SH3BGRL: variants seen among roughly 807,000 people sequenced by gnomAD.
The protein encoded by SH3BGRL is adapter SH3BGRL.
In SH3BGRL, 7 loss-of-function variants were observed where a neutral mutation model predicts 9.8. That is an observed-to-expected ratio of 0.72 (90% confidence interval 0.41 to 1.35). SH3BGRL has a LOEUF of 1.35. Among genes scored for constraint, SH3BGRL ranks in the 40% most tolerant of loss-of-function variants. SH3BGRL has a pLI of 0.01. For missense variants in SH3BGRL, 73 were observed against 84.4 expected, an observed-to-expected ratio of 0.86 and a Z score of 0.53; for synonymous variants, 36 against 29.1, an observed-to-expected ratio of 1.24 and a Z score of -0.76.
intron 1 of SH3BGRL, among the ~76,000 whole-genome samples, chrX:81,254,389 A>G (rs377466070): frequency 3.0e-4 from 33 of 111,557 alleles, no homozygotes; most frequent in African/African-American, 8.8e-4. Context: ...GCTTTCTGGT[A>G]TGTTCATCTG....
intron 3 of SH3BGRL, among the ~76,000 whole-genome samples, chrX:81,278,862 C>T (rs2075806838): frequency 8.9e-6 from 1 of 112,064 alleles, no homozygotes; most frequent in Non-Finnish European, 1.9e-5. Flanking sequence ...AAACTGGTCA[C>T]TAAATTGCTC....
intron 1 of SH3BGRL, among the ~76,000 whole-genome samples, chrX:81,270,608 A>C (rs2075775001): frequency 8.9e-6 from 1 of 111,792 alleles, no homozygotes; most frequent in South Asian, 3.7e-4. Flanking sequence ...GCTTCGTCCC[A>C]CAGGGGCACC....
chrX:81,258,028 T>C (rs2075730630), intron 1 of SH3BGRL, among the ~76,000 whole-genome samples: 1 of 111,665 alleles, frequency 9.0e-6, no homozygotes, highest in Non-Finnish European at 1.9e-5. Flanking sequence ...ATGCCTGCTG[T>C]CTCAAAGCCA....
intron 1 of SH3BGRL, among the ~76,000 whole-genome samples, chrX:81,230,375 A>G: frequency 8.9e-6 from 1 of 112,137 alleles, no homozygotes; most frequent in East Asian, 2.8e-4. Flanking sequence ...GATAAGTGCC[A>G]GGAAGTAAGA....
chrX:81,292,466 C>T (rs2075861265), intron 3 of SH3BGRL, among the ~76,000 whole-genome samples: 1 of 111,660 alleles, frequency 9.0e-6, no homozygotes, highest in African/African-American at 3.3e-5. Context: ...CCCACAAAAC[C>T]ATTTTACTAT....
intron 1 of SH3BGRL, among the ~76,000 whole-genome samples, chrX:81,214,916 A>G (rs973000046): frequency 9.0e-6 from 1 of 111,329 alleles, no homozygotes; most frequent in Admixed American, 9.6e-5. Context: ...AGTCATAAGA[A>G]AGTATAACTG....
At chrX:81,276,501 G>T (rs1164189955) in intron 1 of SH3BGRL, among the ~76,000 whole-genome samples, 1 of 110,978 alleles carries the variant, frequency 9.0e-6, no homozygotes, top group Non-Finnish European at 1.9e-5. Flanking sequence ...ACTGAAAATT[G>T]AGACTTGAAT....
chrX:81,217,420 C>A (rs1481837121), intron 1 of SH3BGRL, among the ~76,000 whole-genome samples: 1 of 110,553 alleles, frequency 9.0e-6, no homozygotes, highest in South Asian at 3.8e-4. Context: ...TTCCTTTTAG[C>A]ACTGCTTTTG....
intron 1 of SH3BGRL, among the ~76,000 whole-genome samples, chrX:81,210,449 A>T (rs745411112): frequency 2.2e-4 from 25 of 111,883 alleles, no homozygotes; most frequent in Admixed American, 2.2e-3. Flanking sequence ...TTAATTTCTC[A>T]TGCAAATTGT....
chrX:81,268,905 A>G (rs2075766944), intron 1 of SH3BGRL, among the ~76,000 whole-genome samples: 1 of 111,764 alleles, frequency 8.9e-6, no homozygotes, highest in Admixed American at 9.5e-5. Context: ...CTGCTCCTGT[A>G]CTGAGTGAAT....
chrX:81,238,816 G>GAGAC (rs1556110698), intron 1 of SH3BGRL, among the ~76,000 whole-genome samples: 5 of 110,021 alleles, frequency 4.5e-5, no homozygotes, highest in African/African-American at 1.7e-4. Context: ...GAGAGAGAGA[G>GAGAC]AGAGAGAGAG....
chrX:81,235,944 C>T (rs2075646601), intron 1 of SH3BGRL, among the ~76,000 whole-genome samples: 1 of 111,767 alleles, frequency 8.9e-6, no homozygotes, highest in Non-Finnish European at 1.9e-5. Context: ...TTCCTGACCT[C>T]TCATCCACAA....
Position 81,287,814 on chromosome X carries a change from A to G in SH3BGRL, c.313-9381A>G, listed in dbSNP as rs955651736. Among the ~76,000 whole-genome samples the G allele has an allele frequency of 6.3e-5, 7 of 111,194 alleles. No homozygotes were observed. In the South Asian group the frequency reaches 1.5e-3, roughly 24 times the overall value. On this transcript the variant is annotated intron_variant, in intron 3 of 3. Coordinates refer to ENST00000373212, the MANE Select transcript of SH3BGRL (RefSeq NM_003022.3). ...CTTAAAGTATAATAATAAAAAAGAA[A>G]TGGCAATACCAATTTTACTCAAACT... is the stretch of plus-strand genomic sequence containing the variant.
chrX:81,267,310 T>C (rs1208520945), intron 1 of SH3BGRL, among the ~76,000 whole-genome samples: 3 of 111,982 alleles, frequency 2.7e-5, no homozygotes, highest in Non-Finnish European at 1.9e-5. Context: ...TGCTTCCAGT[T>C]ATTGCCCATT....
intron 1 of SH3BGRL, among the ~76,000 whole-genome samples, chrX:81,217,213 CA>C (rs1233242813): frequency 9.1e-6 from 1 of 110,479 alleles, no homozygotes; most frequent in Non-Finnish European, 1.9e-5. Flanking sequence ...TTTATATTTT[CA>C]AAAAACCAGC....
At chrX:81,214,332 A>G (rs1339932274) in intron 1 of SH3BGRL, among the ~76,000 whole-genome samples, 2 of 111,785 alleles carry the variant, frequency 1.8e-5, no homozygotes, top group Non-Finnish European at 3.8e-5. Context: ...AGATGAGTAT[A>G]TAGACTAATA....
intron 1 of SH3BGRL, among the ~76,000 whole-genome samples, chrX:81,205,985 C>T (rs916404673): frequency 1.8e-5 from 2 of 111,192 alleles, no homozygotes; most frequent in African/African-American, 6.5e-5. Flanking sequence ...TTTTCTTATA[C>T]CTGTTTGCGA....
intron 1 of SH3BGRL, among the ~76,000 whole-genome samples, chrX:81,243,645 T>C (rs1469341295): frequency 9.0e-6 from 1 of 111,224 alleles, no homozygotes; most frequent in African/African-American, 3.3e-5. Flanking sequence ...CTTATTAACA[T>C]TGCATGTCTG....
intron 1 of SH3BGRL, among the ~76,000 whole-genome samples, chrX:81,267,215 T>A (rs879987122): frequency 3.4e-4 from 38 of 111,891 alleles, no homozygotes; most frequent in Admixed American, 4.8e-4. Flanking sequence ...TCTTGCCTGA[T>A]TGCCCTGGCC....
Sources: gnomAD v4.1 joint callset for allele counts (sites outside exome capture counted in the v4.1 genomes callset) on GRCh38, gnomAD v4.1.1 for gene constraint, MANE v1.5 for transcripts, NCBI Gene and HGNC (gene_info 2026-07-23, HGNC 2026-07-21) for gene names.